Variants in PNPT1 observed in about 807,000 individuals in gnomAD.
PNPT1 encodes polyribonucleotide nucleotidyltransferase 1, mitochondrial.
Under a neutral mutation model 119.5 loss-of-function variants are expected in PNPT1, and 53 were observed. The observed-to-expected ratio is 0.44, with a 90% CI of 0.36 to 0.56. PNPT1 has a LOEUF of 0.56. Ranked by LOEUF, PNPT1 falls within the 20% of genes least tolerant of loss-of-function variation. PNPT1 has a pLI of 0.00. For missense variants in PNPT1, 948 were observed against 938.5 expected (o/e 1.01, Z -0.13); for synonymous variants, 357 against 322.1 (o/e 1.11, Z -1.16).
intron 2 of PNPT1, among the ~76,000 whole-genome samples, chr2:55,686,989 C>T (rs941051718): frequency 4.7e-5 from 7 of 149,068 alleles, no homozygotes; most frequent in African/African-American, 1.5e-4. Flanking sequence ...CTGAGGCAGG[C>T]GGATCACGAG....
intron 20 of PNPT1, 23 bp downstream of exon 20, chr2:55,646,392 A>C (rs1696006346): frequency 6.2e-7 from 1 of 1,608,274 alleles, no homozygotes; most frequent in African/African-American, 1.3e-5. Context: ...ACAAAAATGA[A>C]ACAAAATGGG....
At chr2:55,639,018 C>T (rs1048533309) in intron 26 of PNPT1, among the ~76,000 whole-genome samples, 12 of 152,074 alleles carry the variant, frequency 7.9e-5, no homozygotes, top group African/African-American at 2.9e-4. Flanking sequence ...TAAAGTGATC[C>T]GTCCACCTTG....
intron 6 of PNPT1, 39 bp from the exon 7 acceptor site, chr2:55,680,798 T>G (rs751058004): frequency 6.2e-7 from 1 of 1,612,152 alleles, no homozygotes; most frequent in Non-Finnish European, 8.5e-7. Flanking sequence ...AATTAAAATT[T>G]CATTGCTTTA....
rs1370166745 is a variant in PNPT1, at chr2:55,645,432, A to C, written c.1739T>G (p.Val580Gly). The C allele has an allele frequency of 2.5e-6, 4 of 1,600,398 alleles. No individual in the cohort carries two copies. Among genetic ancestry groups the C allele is most frequent in the Non-Finnish European group, 3.4e-6 (4 of 1,170,218 alleles). ...GATCTGTAATATCTCCTTTTTTGCCACTAGAAGAGAAAAACACAAAAATTA... is the reference window on the plus strand; with the variant it reads ...GATCTGTAATATCTCCTTTTTTGCCCCTAGAAGAGAAAAACACAAAAATTA... ...IVMEAIQQASVAKKEILQIMN... is the reference protein window; with the variant it reads ...IVMEAIQQASGAKKEILQIMN... Residue 580 changes from valine (V) to glycine (G), a missense_variant and splice_region_variant, in exon 22 of 28, where the codon GTG becomes GGG. Physicochemically the swap from Val to Gly is moderately radical, Grantham distance 109. Transcript: ENST00000447944.
intron 3 of PNPT1, 80 bp from the exon 4 acceptor site, chr2:55,685,128 G>C (rs1192393242): frequency 2.1e-5 from 22 of 1,055,420 alleles, no homozygotes; most frequent in Non-Finnish European, 2.8e-5. Flanking sequence ...ATTCTCCTGA[G>C]GTTGCTAACA....
chr2:55,670,205 G>T (rs1696865757), intron 11 of PNPT1, among the ~76,000 whole-genome samples: 1 of 151,332 alleles, frequency 6.6e-6, no homozygotes, highest in Non-Finnish European at 1.5e-5. Context: ...TTATTTTTTT[G>T]AGACAGAGTC....
chr2:55,643,268 G>A (rs1695890210), intron 24 of PNPT1, 51 bp downstream of exon 24: 1 of 1,612,952 alleles, frequency 6.2e-7, no homozygotes, highest in South Asian at 1.1e-5. Context: ...ACAAAAAGTA[G>A]AAAAAACAAA....
Position 55,671,393 on chromosome 2 carries a change from G to A in PNPT1, c.919-17C>T. On this transcript the variant is annotated splice_polypyrimidine_tract_variant and intron_variant, in intron 10 of 27. Transcript: ENST00000447944. ...TCTGGAAACCTAAAAGAAAGTTGAG[G>A]TTCAGTTATTACATATACATGACAA... 1 of 1,487,680 alleles carries A rather than the reference G, an allele frequency of 6.7e-7. No homozygotes were observed. The highest frequency in any genetic ancestry group is 2.1e-5 in the Admixed American group (1 of 47,902). The allele number at this position is 1,487,680 out of a possible 1,614,324, so 92.2% of individuals were successfully genotyped here.
chr2:55,665,262 T>TC (rs1696698779), intron 13 of PNPT1, among the ~76,000 whole-genome samples: 1 of 152,164 alleles, frequency 6.6e-6, no homozygotes, highest in African/African-American at 2.4e-5. Context: ...ATACAACGTG[T>TC]AGGAATAAAT....
chr2:55,641,537 TAG>T (rs1386932848), intron 25 of PNPT1, among the ~76,000 whole-genome samples: 1 of 152,120 alleles, frequency 6.6e-6, no homozygotes, highest in Non-Finnish European at 1.5e-5. Flanking sequence ...AAAAATAGTA[TAG>T]AATCTCATAT....
chr2:55,673,451 C>T (rs1559105473), intron 8 of PNPT1, among the ~76,000 whole-genome samples: 1 of 143,372 alleles, frequency 7.0e-6, no homozygotes, highest in Non-Finnish European at 1.5e-5. Flanking sequence ...GTTTTTAATA[C>T]TTTTTTTTTT....
chr2:55,669,085 T>G (rs369949638), intron 11 of PNPT1, among the ~76,000 whole-genome samples: 3 of 152,326 alleles, frequency 2.0e-5, no homozygotes, highest in East Asian at 3.9e-4. Flanking sequence ...TCATAATAAC[T>G]TATGAACTAA....
chr2:55,673,786 T>A (rs1696984303), intron 8 of PNPT1, among the ~76,000 whole-genome samples: 1 of 152,150 alleles, frequency 6.6e-6, no homozygotes, highest in South Asian at 2.1e-4. Context: ...TGTCCTTTTC[T>A]GTGAACTGTT....
At chr2:55,667,793 G>C in intron 12 of PNPT1, 69 bp downstream of exon 12, 1 of 1,530,544 alleles carries the variant, frequency 6.5e-7, no homozygotes, top group Non-Finnish European at 8.7e-7. Context: ...CTTTGATCAA[G>C]TTTCCATTTT....
chr2:55,688,822 A>G (rs1405726999), intron 1 of PNPT1, among the ~76,000 whole-genome samples: 1 of 152,218 alleles, frequency 6.6e-6, no homozygotes, highest in Non-Finnish European at 1.5e-5. Context: ...ACTCCTAAAT[A>G]TTGCCTATAA....
At position 55,634,367 on chromosome 2, in the gene PNPT1, T is replaced by G. The variant is rs527380905; in HGVS notation, c.*1870A>C. The G allele has an allele frequency of 6.6e-6, 1 of 152,012 alleles. No individual in the cohort carries two copies. The highest frequency in any genetic ancestry group is 1.9e-4 in the East Asian group (1 of 5,156). The allele number at this position is 152,012 out of a possible 1,614,324, so 9.4% of individuals were successfully genotyped here. ...ACCTCCATTTCCCAGGCTCAAGTGA[T>G]TCTCCTGCCTCAGCCTCCCGAGTAG... On this transcript the variant is annotated 3_prime_UTR_variant, in exon 28 of 28. Transcript: ENST00000447944.
At chr2:55,643,991 A>G (rs1374290547) in intron 23 of PNPT1, among the ~76,000 whole-genome samples, 2 of 152,214 alleles carry the variant, frequency 1.3e-5, no homozygotes, top group African/African-American at 4.8e-5. Context: ...ATCTAGTGAA[A>G]TCAAATATAT....
chr2:55,679,040 T>C (rs1337181683), intron 8 of PNPT1, among the ~76,000 whole-genome samples: 2 of 152,122 alleles, frequency 1.3e-5, no homozygotes, highest in Non-Finnish European at 2.9e-5. Context: ...CAAGATCACA[T>C]GATTATAGTG....
At chr2:55,667,340 A>G (rs892434679) in intron 12 of PNPT1, among the ~76,000 whole-genome samples, 3 of 152,202 alleles carry the variant, frequency 2.0e-5, no homozygotes, top group African/African-American at 7.2e-5. Context: ...CATGCCTATA[A>G]TTCCAGCACT....
Sources: allele counts gnomAD v4.1 joint callset (sites outside exome capture counted in the v4.1 genomes callset), GRCh38; gene constraint gnomAD v4.1.1; transcripts MANE v1.5; gene names NCBI Gene and HGNC (gene_info 2026-07-23, HGNC 2026-07-21).